Variants in MAP4K4 observed in about 807,000 individuals in gnomAD.
MAP4K4 encodes HPK/GCK-like kinase HGK.
MAP4K4 carries 38 observed loss-of-function variants against 189.6 expected under a neutral mutation model. The ratio of observed to expected loss-of-function variants is 0.20; its 90% CI spans 0.15 to 0.26. The LOEUF (loss-of-function observed/expected upper bound fraction) is 0.26. Ranked by LOEUF, MAP4K4 falls within the 10% of genes least tolerant of loss-of-function variation. MAP4K4 has a pLI of 1.00. For missense variants in MAP4K4, 1,054 were observed against 1,726.9 expected, an observed-to-expected ratio of 0.61 and a Z score of 6.91; for synonymous variants, 610 against 624.3, an observed-to-expected ratio of 0.98 and a Z score of 0.34.
Position 101,880,807 on chromosome 2 carries a change from T to G in MAP4K4, c.3386-1744T>G, listed in dbSNP as rs375594355. 3.3e-5 allele frequency among the ~76,000 whole-genome samples: 5 copies of G among 152,316 alleles called. 1 individual carries two copies. The South Asian group carries it at 6.2e-4, about 19-fold the overall frequency. On this transcript the variant is annotated intron_variant, in intron 27 of 32. Transcript: ENST00000324219. ...CAGGCGTGAGCCACCGCGCCTGGTG[T>G]ATAGTTCTATTTCTGGGCTCTATTT...
At chr2:101,785,450 G>T (rs935011033) in intron 2 of MAP4K4, among the ~76,000 whole-genome samples, 3 of 152,060 alleles carry the variant, frequency 2.0e-5, no homozygotes, top group Admixed American at 1.3e-4. Context: ...TGAGGTGAAG[G>T]CTCTATTTTT....
At chr2:101,698,057 G>GT in exon 1 of MAP4K4, 8 of 1,315,060 alleles carry the variant, frequency 6.1e-6, no homozygotes, top group East Asian at 5.6e-5. Context: ...ATTGTTATTT[G>GT]TTTTTTGGTG....
chr2:101,703,527 A>G (rs1459923113), intron 2 of MAP4K4, among the ~76,000 whole-genome samples: 2 of 144,790 alleles, frequency 1.4e-5, no homozygotes, highest in East Asian at 4.4e-4. Context: ...CTGAGGTGGG[A>G]GAATCGCTTG....
chr2:101,753,176 G>A (rs960671187), intron 2 of MAP4K4, among the ~76,000 whole-genome samples: 1 of 152,076 alleles, frequency 6.6e-6, no homozygotes, highest in African/African-American at 2.4e-5. Context: ...AGAGGTATTT[G>A]TGCAGTTTGC....
At chr2:101,831,569 A>C (rs1244804706) in intron 6 of MAP4K4, among the ~76,000 whole-genome samples, 152 bp from the exon 7 acceptor site, 3 of 151,992 alleles carry the variant, frequency 2.0e-5, no homozygotes, top group African/African-American at 7.2e-5. Context: ...ACTCCTGACC[A>C]GTGGTGCCTG....
chr2:101,710,077 T>G (rs1400078322), intron 2 of MAP4K4, among the ~76,000 whole-genome samples: 1 of 152,200 alleles, frequency 6.6e-6, no homozygotes, highest in Non-Finnish European at 1.5e-5. Context: ...GTGTGTAGTT[T>G]TATGACTTCA....
rs1253435496 is a variant in MAP4K4, at chr2:101,844,183, G to C, written c.1105G>C (p.Ala369Pro). 1 of 1,611,008 alleles carries C rather than the reference G, an allele frequency of 6.2e-7. No individual in the cohort carries two copies. The highest frequency in any genetic ancestry group is 8.5e-7 in the Non-Finnish European group (1 of 1,178,556). Residue 369 changes from alanine to proline, a missense_variant, in exon 12 of 33, where the codon GCT (alanine) becomes CCT (proline). By Grantham distance (27) the Ala-to-Pro change is conservative (BLOSUM62 -1). This residue lies in a region of MAP4K4 where 200 missense variants were observed against 509.0 expected (regional missense o/e 0.39). Coordinates refer to ENST00000324219, the Ensembl canonical transcript of MAP4K4. ...GCAGGAGAACAAGGAACGTTCCGAGGCTCTTCGGAGACAACAGTTACTACA... is the reference window on the plus strand; with the variant it reads ...GCAGGAGAACAAGGAACGTTCCGAGCCTCTTCGGAGACAACAGTTACTACA...
At chr2:101,890,499 C>G (rs1259179523) in intron 32 of MAP4K4, among the ~76,000 whole-genome samples, 1 of 152,140 alleles carries the variant, frequency 6.6e-6, no homozygotes, top group Non-Finnish European at 1.5e-5. Flanking sequence ...CTCTGTCGCC[C>G]AGGATGGAGT....
At chr2:101,821,309 T>C (rs1439059672) in intron 3 of MAP4K4, among the ~76,000 whole-genome samples, 1 of 152,204 alleles carries the variant, frequency 6.6e-6, no homozygotes, top group African/African-American at 2.4e-5. Flanking sequence ...CACTTAACCA[T>C]GAGGATACGT....
chr2:101,779,991 CACA>C (rs1484050993), intron 2 of MAP4K4, among the ~76,000 whole-genome samples: 2 of 152,268 alleles, frequency 1.3e-5, no homozygotes, highest in Non-Finnish European at 2.9e-5. Flanking sequence ...CTGGCTGCAA[CACA>C]ACAACAGAAG....
intron 2 of MAP4K4, among the ~76,000 whole-genome samples, chr2:101,737,334 A>G (rs1213578933): frequency 6.8e-6 from 1 of 147,854 alleles, no homozygotes; most frequent in East Asian, 2.0e-4. Flanking sequence ...TAATTTTTTG[A>G]TTAAATTGTG....
At chr2:101,784,647 T>C (rs1017383185) in intron 2 of MAP4K4, among the ~76,000 whole-genome samples, 2 of 152,160 alleles carry the variant, frequency 1.3e-5, no homozygotes, top group Non-Finnish European at 2.9e-5. Context: ...CCCTAAACAA[T>C]TCCTGTGGGA....
At chr2:101,823,245 T>G (rs2096180429) in intron 3 of MAP4K4, among the ~76,000 whole-genome samples, 1 of 152,200 alleles carries the variant, frequency 6.6e-6, no homozygotes, top group Admixed American at 6.5e-5. Flanking sequence ...AACTCTGGGT[T>G]TCTTCCTCTG....
At chr2:101,893,236 G>T (rs1424286544) in exon 33 of MAP4K4, 1 of 456,296 alleles carries the variant, frequency 2.2e-6, no homozygotes, top group African/African-American at 2.0e-5. Flanking sequence ...ACAGCAGCTG[G>T]TGGTTTTGTG....
intron 2 of MAP4K4, among the ~76,000 whole-genome samples, chr2:101,704,565 A>ATTTT (rs1559014076): frequency 0.012 from 485 of 40,330 alleles, 25 homozygotes; most frequent in Middle Eastern, 0.022. Flanking sequence ...ATATATATAT[A>ATTTT]TATTTTTTTT....
At chr2:101,777,858 A>G (rs2085111033) in intron 2 of MAP4K4, among the ~76,000 whole-genome samples, 1 of 152,222 alleles carries the variant, frequency 6.6e-6, no homozygotes, top group Non-Finnish European at 1.5e-5. Flanking sequence ...TTATAGTAAG[A>G]TGGCCACACT....
At chr2:101,784,230 CTCTAGGGCATGGTATT>C (rs2089364849) in intron 2 of MAP4K4, among the ~76,000 whole-genome samples, 1 of 151,784 alleles carries the variant, frequency 6.6e-6, no homozygotes, top group Admixed American at 6.6e-5. Context: ...AGTGTTTCTA[CTCTAGGGCATGGTATT>C]TCTCTGTGAT....
chr2:101,795,455 A>G (rs2093589149), intron 3 of MAP4K4, among the ~76,000 whole-genome samples: 1 of 152,192 alleles, frequency 6.6e-6, no homozygotes, highest in Non-Finnish European at 1.5e-5. Flanking sequence ...TTATTATTAC[A>G]TAATCAAGTT....
intron 24 of MAP4K4, among the ~76,000 whole-genome samples, 167 bp downstream of exon 24, chr2:101,871,852 C>T (rs2098036163): frequency 6.6e-6 from 1 of 152,166 alleles, no homozygotes; most frequent in African/African-American, 2.4e-5. Flanking sequence ...TTCAGATCTG[C>T]ATATAAACCC....
Sources: gnomAD v4.1 joint callset for allele counts (sites outside exome capture counted in the v4.1 genomes callset) on GRCh38, gnomAD v4.1.1 for gene constraint, gnomAD v4.1.1 regional missense constraint, MANE v1.5 for transcripts, NCBI Gene and HGNC (gene_info 2026-07-23, HGNC 2026-07-21) for gene names.